The following ZNRF3 variants were observed in gnomAD, a reference collection of about 807,000 sequenced individuals.
ZNRF3 encodes the protein zinc and ring finger 3.
Under a neutral mutation model 72.5 loss-of-function variants are expected in ZNRF3, and 23 were observed. That is an observed-to-expected ratio of 0.32 (90% CI 0.23 to 0.45). ZNRF3 has a LOEUF of 0.45. Among genes scored for constraint, ZNRF3 ranks in the 20% least tolerant of loss-of-function variants. The pLI, the probability that ZNRF3 is intolerant of heterozygous loss-of-function variation, is 1.00. For missense variants in ZNRF3, 1,169 were observed against 1,272.1 expected (o/e 0.92, Z 1.23); for synonymous variants, 610 against 545.3 (o/e 1.12, Z -1.65).
At chr22:29,023,591 G>C (rs2036574820) in intron 2 of ZNRF3, among the ~76,000 whole-genome samples, 1 of 152,102 alleles carries the variant, frequency 6.6e-6, no homozygotes, top group African/African-American at 2.4e-5. Context: ...CCCTACGGTG[G>C]GCTATATTAG....
In ZNRF3 at chr22:28,940,549, A is replaced by G. The variant is rs549482072; in HGVS notation, c.301-46527A>G. Among the ~76,000 whole-genome samples, 6 of 151,436 alleles carry G rather than the reference A, an allele frequency of 4.0e-5. No homozygotes were observed. The East Asian group carries it at 7.8e-4, about 20-fold the overall frequency. ...AGATTGCTCCCTCTTAAGAGAGCCA[A>G]CGATTTAGAAAACTTAATCACAGGT... On this transcript the variant is annotated intron_variant, in intron 1 of 8. Coordinates refer to ENST00000544604, the MANE Select transcript of ZNRF3 (RefSeq NM_001206998.2).
At chr22:29,001,462 AT>A (rs1429364059) in intron 2 of ZNRF3, among the ~76,000 whole-genome samples, 1 of 141,630 alleles carries the variant, frequency 7.1e-6, no homozygotes, top group Non-Finnish European at 1.5e-5. Flanking sequence ...GCAACCCAAG[AT>A]TTTTTAAACT....
intron 1 of ZNRF3, among the ~76,000 whole-genome samples, chr22:28,961,307 T>G (rs1432722556): frequency 2.0e-5 from 3 of 152,216 alleles, no homozygotes; most frequent in Admixed American, 1.3e-4. Context: ...GAGGGCCATA[T>G]ACATTCAAAC....
intron 2 of ZNRF3, among the ~76,000 whole-genome samples, chr22:29,006,016 A>G (rs1162271017): frequency 6.6e-6 from 1 of 151,770 alleles, no homozygotes; most frequent in Admixed American, 6.6e-5. Context: ...CCTGGGCAAC[A>G]AGAGTGAAAC....
intron 2 of ZNRF3, among the ~76,000 whole-genome samples, chr22:29,027,440 G>T (rs975214306): frequency 2.0e-5 from 3 of 151,998 alleles, no homozygotes; most frequent in African/African-American, 7.3e-5. Flanking sequence ...GTAGAGACGG[G>T]GTTTCACCAT....
At chr22:28,890,670 G>C (rs2033867955) in intron 1 of ZNRF3, among the ~76,000 whole-genome samples, 1 of 152,106 alleles carries the variant, frequency 6.6e-6, no homozygotes, top group Non-Finnish European at 1.5e-5. Context: ...AGTGTCCCTG[G>C]GAGTAACAAT....
At chr22:28,951,994 G>A (rs558559393) in intron 1 of ZNRF3, among the ~76,000 whole-genome samples, 33 of 152,278 alleles carry the variant, frequency 2.2e-4, no homozygotes, top group Middle Eastern at 6.8e-3. Context: ...CTTCCCCGTG[G>A]AGCAAGGAGC....
At chr22:29,023,979 T>G (rs986455805) in intron 2 of ZNRF3, among the ~76,000 whole-genome samples, 2 of 152,220 alleles carry the variant, frequency 1.3e-5, no homozygotes, top group African/African-American at 4.8e-5. Context: ...GCCAAACTCC[T>G]GGATCATAAA....
chr22:28,934,021 G>T (rs749310494), intron 1 of ZNRF3, among the ~76,000 whole-genome samples: 26 of 151,786 alleles, frequency 1.7e-4, no homozygotes, highest in South Asian at 2.1e-4. Context: ...GAACAAAGAG[G>T]GTACTGCTCT....
At chr22:28,896,503 A>G (rs1241652636) in intron 1 of ZNRF3, among the ~76,000 whole-genome samples, 1 of 152,314 alleles carries the variant, frequency 6.6e-6, no homozygotes, top group East Asian at 1.9e-4. Context: ...ACCTCAAGTG[A>G]TCTGTCTGCC....
At chr22:28,907,014 G>C (rs1373480843) in intron 1 of ZNRF3, among the ~76,000 whole-genome samples, 7 of 142,806 alleles carry the variant, frequency 4.9e-5, no homozygotes, top group Non-Finnish European at 1.1e-4. Flanking sequence ...ATGGACTCTC[G>C]CTCTGTCGCC....
chr22:28,995,214 A>G (rs760018354), intron 2 of ZNRF3, among the ~76,000 whole-genome samples: 10 of 152,198 alleles, frequency 6.6e-5, no homozygotes, highest in Non-Finnish European at 1.3e-4. Flanking sequence ...CGGGTGGATC[A>G]CGAGGTCAGG....
At chr22:28,926,466 A>G (rs1456999548) in intron 1 of ZNRF3, among the ~76,000 whole-genome samples, 8 of 148,102 alleles carry the variant, frequency 5.4e-5, no homozygotes, top group Non-Finnish European at 1.5e-5. Flanking sequence ...GATTATACAC[A>G]CATCACCCTG....
chr22:28,966,522 C>A (rs2035462713), intron 1 of ZNRF3, among the ~76,000 whole-genome samples: 1 of 152,084 alleles, frequency 6.6e-6, no homozygotes, highest in African/African-American at 2.4e-5. Context: ...GACTAAAGAC[C>A]TTCCAGTGGG....
intron 1 of ZNRF3, among the ~76,000 whole-genome samples, chr22:28,975,280 G>T (rs954261379): frequency 2.6e-5 from 4 of 152,040 alleles, no homozygotes; most frequent in African/African-American, 9.7e-5. Flanking sequence ...GAGGTGGGCG[G>T]ATCACAAGGT....
intron 2 of ZNRF3, among the ~76,000 whole-genome samples, chr22:29,038,701 C>A (rs1601699079): frequency 6.6e-6 from 1 of 151,976 alleles, no homozygotes; most frequent in East Asian, 1.9e-4. Flanking sequence ...TTATTCATGG[C>A]CTATTTTAAA....
At chr22:28,960,630 G>T (rs1455967154) in intron 1 of ZNRF3, among the ~76,000 whole-genome samples, 1 of 152,192 alleles carries the variant, frequency 6.6e-6, no homozygotes. Context: ...GGGATAGTTG[G>T]GCAGCTGGTT....
intron 1 of ZNRF3, among the ~76,000 whole-genome samples, chr22:28,947,507 C>G (rs949259199): frequency 2.0e-5 from 3 of 152,318 alleles, no homozygotes; most frequent in Middle Eastern, 3.4e-3. Flanking sequence ...TCCATACCCT[C>G]TCTAATACTT....
At position 28,966,856 on chromosome 22, in the gene ZNRF3, G is replaced by C. The variant is rs543168232; in HGVS notation, c.301-20220G>C. Among the ~76,000 whole-genome samples, 501 of 139,308 alleles carry C rather than the reference G, an allele frequency of 3.6e-3. 2 individuals carry two copies. The highest frequency in any genetic ancestry group is 7.4e-3 in the Middle Eastern group (2 of 272). The allele number at this position is 139,308 out of a possible 152,430, so 91.4% of individuals were successfully genotyped here. A position where few individuals can be genotyped will look rare whatever the true frequency, so the allele number is the denominator to read the frequency against. On this transcript the variant is annotated intron_variant, in intron 1 of 8. Transcript: ENST00000544604. ...GTGTAGCCTAAGTTACAGGCACATAGTTTTAAAAATCTTTTTTTTTTTTTT... is the reference window on the plus strand; with the variant it reads ...GTGTAGCCTAAGTTACAGGCACATACTTTTAAAAATCTTTTTTTTTTTTTT...
Sources: gnomAD v4.1 joint callset for allele counts (sites outside exome capture counted in the v4.1 genomes callset) on GRCh38, gnomAD v4.1.1 for gene constraint, MANE v1.5 for transcripts, NCBI Gene and HGNC (gene_info 2026-07-23, HGNC 2026-07-21) for gene names.